Variants in ADGRF1 observed in about 807,000 individuals in gnomAD.
ADGRF1 encodes G protein-coupled receptor 110.
Under a neutral mutation model 87.2 loss-of-function variants are expected in ADGRF1, and 85 were observed. That is an observed-to-expected ratio of 0.97 (90% CI 0.82 to 1.17). The LOEUF is 1.17. Among genes scored for constraint, ADGRF1 ranks in the 50% most tolerant of loss-of-function variants. The pLI is 0.00. For missense variants in ADGRF1, 1,169 were observed against 1,077.2 expected, an observed-to-expected ratio of 1.09 and a Z score of -1.19; for synonymous variants, 430 against 408.8, an observed-to-expected ratio of 1.05 and a Z score of -0.63.
intron 1 of ADGRF1, among the ~76,000 whole-genome samples, chr6:47,034,093 C>T (rs1036930344): frequency 6.6e-6 from 1 of 152,190 alleles, no homozygotes; most frequent in Non-Finnish European, 1.5e-5. Context: ...GGATGAATTA[C>T]ACTGTAACCT....
At chr6:47,022,665 ATGTC>A (rs1780094808) in intron 5 of ADGRF1, among the ~76,000 whole-genome samples, 1 of 152,102 alleles carries the variant, frequency 6.6e-6, no homozygotes, top group Non-Finnish European at 1.5e-5. Flanking sequence ...TGATTTGTGT[ATGTC>A]TCATCTATGC....
At position 47,020,726 on chromosome 6, in the gene ADGRF1, C is replaced by T; in HGVS notation, c.611+5G>A. ...ATGCCCTTCTAAGACCATTGTGTTA[C>T]TTACCGAAATTGGGTGACCTGAACC... On this transcript the variant is annotated splice_donor_5th_base_variant and intron_variant, in intron 7 of 14. Coordinates refer to ENST00000371253, the MANE Select transcript of ADGRF1 (RefSeq NM_153840.4). 6.2e-7 allele frequency: 1 copy of T among 1,613,544 alleles called. No individual in the cohort carries two copies. The highest frequency in any genetic ancestry group is 8.5e-7 in the Non-Finnish European group (1 of 1,179,476).
chr6:47,013,602 G>A (rs2113885334), intron 9 of ADGRF1: 2 of 985,372 alleles, frequency 2.0e-6, no homozygotes, highest in Non-Finnish European at 2.4e-6. Context: ...CCTTCTTTCT[G>A]TCTTACTTGT....
At chr6:47,014,426 C>T (rs1779799884) in intron 9 of ADGRF1, 1 of 1,204,042 alleles carries the variant, frequency 8.3e-7, no homozygotes, top group African/African-American at 1.6e-5. Flanking sequence ...AGCAATGATA[C>T]ACTCCTCCAC....
At chr6:47,014,248 C>T (rs975249820) in intron 9 of ADGRF1, 1 of 986,506 alleles carries the variant, frequency 1.0e-6, no homozygotes, top group African/African-American at 1.7e-5. Context: ...TATGGTTCAC[C>T]TTTGTCTGAC....
intron 13 of ADGRF1, among the ~76,000 whole-genome samples, chr6:47,002,494 A>T (rs1018038409): frequency 2.0e-5 from 3 of 152,152 alleles, no homozygotes; most frequent in Non-Finnish European, 4.4e-5. Flanking sequence ...ATAAACCTTT[A>T]AAAAAATCAT....
At chr6:47,036,819 T>C (rs1780601330) in intron 1 of ADGRF1, among the ~76,000 whole-genome samples, 1 of 152,194 alleles carries the variant, frequency 6.6e-6, no homozygotes. Flanking sequence ...GCATTCCACC[T>C]ATCCTGAAAA....
Position 47,026,736 on chromosome 6 carries a change from A to G in ADGRF1, c.128-733T>C, listed in dbSNP as rs1201429513. Among the ~76,000 whole-genome samples, 5 of 152,164 alleles carry G rather than the reference A, an allele frequency of 3.3e-5. No homozygotes were observed. The South Asian group carries it at 6.2e-4, about 19-fold the overall frequency. On this transcript the variant is annotated intron_variant, in intron 3 of 14. Transcript: ENST00000371253. ...CTTCAAGGTCCCCCGAAGCTCACCT[A>G]TGAAAGACCTGACATCTCACACCAT... is the stretch of plus-strand genomic sequence containing the variant.
chr6:47,013,049 G>T, intron 9 of ADGRF1: 4 of 984,342 alleles, frequency 4.1e-6, no homozygotes, highest in Non-Finnish European at 4.8e-6. Context: ...TAGGATTACA[G>T]GCATGAGCCA....
Position 47,010,298 on chromosome 6 carries a change from G to A in ADGRF1, c.1137C>T (p.Asp379=), listed in dbSNP as rs766677016. 6.2e-7 allele frequency: 1 copy of A among 1,610,402 alleles called. No homozygotes were observed. The highest frequency in any genetic ancestry group is 1.3e-5 in the African/African-American group (1 of 74,834). The part of the protein sequence containing the change: ...STMEDVISIA[D]NILNSASVTN... ...TTACTGAGGCTGAATTAAGGATATT[G>A]TCAGCTATACTGATGACATCCTGAA... Residue 379 remains aspartate (D), a synonymous_variant, in exon 11 of 15, where the codon GAC becomes GAT. Transcript: ENST00000371253.
chr6:47,010,332 A>G lies in ADGRF1; in HGVS notation c.1117-14T>C, dbSNP rs1779669558. ...ACTGATGACATCCTGAAACACAAGG[A>G]TGAGAGTCAGTTTGTGTTTTTGAGT... On this transcript the variant is annotated splice_polypyrimidine_tract_variant and intron_variant, in intron 10 of 14. Coordinates refer to ENST00000371253, the MANE Select transcript of ADGRF1 (RefSeq NM_153840.4). The G allele has an allele frequency of 6.3e-7, 1 of 1,576,172 alleles. No homozygotes were observed. The highest frequency in any genetic ancestry group is 1.4e-5 in the African/African-American group (1 of 73,764).
At chr6:47,031,094 T>A (rs1367696534) in intron 1 of ADGRF1, among the ~76,000 whole-genome samples, 1 of 152,162 alleles carries the variant, frequency 6.6e-6, no homozygotes, top group African/African-American at 2.4e-5. Flanking sequence ...AAGGATTTTT[T>A]AATTTGAATT....
chr6:47,004,111 G>T (rs1318885937), intron 13 of ADGRF1, among the ~76,000 whole-genome samples: 3 of 151,996 alleles, frequency 2.0e-5, no homozygotes, highest in Admixed American at 2.0e-4. Context: ...TCACATCCTG[G>T]CAACTTCAAC....
At chr6:47,002,714 G>A (rs1328068649) in intron 13 of ADGRF1, among the ~76,000 whole-genome samples, 1 of 152,172 alleles carries the variant, frequency 6.6e-6, no homozygotes, top group Non-Finnish European at 1.5e-5. Context: ...ATTCTTTGTG[G>A]AGGGGGGTCC....
At chr6:47,036,503 C>A (rs955560287) in intron 1 of ADGRF1, among the ~76,000 whole-genome samples, 1 of 152,140 alleles carries the variant, frequency 6.6e-6, no homozygotes, top group Non-Finnish European at 1.5e-5. Context: ...AATGATCAGG[C>A]CTGCTGGAAA....
In ADGRF1 at chr6:47,001,578, TAA is replaced by T. The variant is rs1308242913; in HGVS notation, c.2593-13_2593-12del. 1 of 1,611,650 alleles carries T rather than the reference TAA, an allele frequency of 6.2e-7. No individual in the cohort carries two copies. Among genetic ancestry groups the T allele is most frequent in the East Asian group, 2.2e-5 (1 of 44,826 alleles). On this transcript the variant is annotated splice_polypyrimidine_tract_variant and intron_variant, in intron 13 of 14. Transcript: ENST00000371253. ...ATCTGATGAGTTTTGCTGCACAAAATAAAAATAAGTCATTTGGACATTAATAG... is the reference window on the plus strand; with the variant it reads ...ATCTGATGAGTTTTGCTGCACAAAATAAATAAGTCATTTGGACATTAATAG...
rs780167555 is a variant in ADGRF1 at position 47,027,781 on chromosome 6, T to C, written c.70-20A>G. 2.8e-5 allele frequency: 35 copies of C among 1,252,132 alleles called. No homozygotes were observed. Among genetic ancestry groups the C allele is most frequent in the South Asian group, 2.4e-4 (19 of 80,564 alleles). The allele number at this position is 1,252,132 out of a possible 1,614,324, so 77.6% of individuals were successfully genotyped here. On this transcript the variant is annotated intron_variant, in intron 2 of 14. Coordinates refer to ENST00000371253, the MANE Select transcript of ADGRF1 (RefSeq NM_153840.4). ...ATTTTTCTGTTAAAAAGAAAAAAAATAGTTACGGTGAGACTTTGAAGAGTT... is the reference window on the plus strand; with the variant it reads ...ATTTTTCTGTTAAAAAGAAAAAAAACAGTTACGGTGAGACTTTGAAGAGTT...
At position 47,026,012 on chromosome 6, in the gene ADGRF1, A is replaced by G; in HGVS notation, c.128-9T>C. ...ATATTCTTCGACTGGGCCTAAAGAG[A>G]GAAAGAGAGTCAGAAACCTTTTTTT... On this transcript the variant is annotated splice_polypyrimidine_tract_variant and intron_variant, in intron 3 of 14. Transcript: ENST00000371253. 1 of 1,480,938 alleles carries G rather than the reference A, an allele frequency of 6.8e-7. No homozygotes were observed. The allele number at this position is 1,480,938 out of a possible 1,614,324, so 91.7% of individuals were successfully genotyped here.
intron 1 of ADGRF1, among the ~76,000 whole-genome samples, chr6:47,034,565 G>A (rs769002090): frequency 2.0e-5 from 3 of 152,176 alleles, no homozygotes; most frequent in Non-Finnish European, 4.4e-5. Context: ...TTCAACTACC[G>A]TATACTGACA....
Sources: allele counts gnomAD v4.1 joint callset (sites outside exome capture counted in the v4.1 genomes callset), GRCh38; gene constraint gnomAD v4.1.1; transcripts MANE v1.5; gene names NCBI Gene and HGNC (gene_info 2026-07-23, HGNC 2026-07-21).